The following EXD3 variants were observed in gnomAD, a reference collection of about 807,000 sequenced individuals.
The protein encoded by EXD3 is exonuclease 3'-5' domain containing 3, also known as exonuclease mut-7 homolog.
EXD3 carries 92 observed loss-of-function variants against 98.0 expected under a neutral mutation model. The observed-to-expected ratio is 0.94, with a 90% CI of 0.79 to 1.12. The LOEUF is 1.12. EXD3 is among the 50% of genes most tolerant of loss of function. EXD3 has a pLI of 0.00. For synonymous variants in EXD3, 569 were observed against 526.0 expected, an observed-to-expected ratio of 1.08 and a Z score of -1.12; for missense variants, 1,222 against 1,191.6, an observed-to-expected ratio of 1.03 and a Z score of -0.38.
Position 137,349,623 on chromosome 9 carries a change from G to T in EXD3, c.1495-92C>A. The stretch of plus-strand genomic sequence containing the variant: ...TCACACCAGCCCTGCGGGGGCTCTG[G>T]AGGAGGCCCCGCCCCCTCCACCAGC... On this transcript the variant is annotated intron_variant, in intron 14 of 21. Coordinates refer to ENST00000340951, the MANE Select transcript of EXD3 (RefSeq NM_017820.5). This position sits in a 1 kb window ranked among gnomAD's most constrained non-coding sequence, Gnocchi z 7.4. The T allele has an allele frequency of 7.6e-7, 1 of 1,323,872 alleles. No individual in the cohort carries two copies. 82.0% of individuals were successfully genotyped at this position (1,323,872 alleles called of 1,614,324 possible).
At chr9:137,376,213 G>A (rs1259116373) in intron 3 of EXD3, among the ~76,000 whole-genome samples, 3 of 151,564 alleles carry the variant, frequency 2.0e-5, no homozygotes, top group Non-Finnish European at 2.9e-5. Context: ...GCATGGTGGC[G>A]GGCGACTGTA....
rs111790802 is a variant in EXD3, at chr9:137,307,151, C to T, written c.2430G>A (p.Arg810=). Residue 810 remains arginine, a synonymous_variant, in exon 22 of 22, where the codon CGG becomes CGA. Transcript: ENST00000340951. ...ETPDMLADGT[R]LQLAGVPVGV... ...CCACCGGGACCCCTGCCAGCTGCAG[C>T]CGGGTGCCGTCGGCCAGCATGTCCG... The T allele has an allele frequency of 6.3e-7, 1 of 1,593,720 alleles. No individual in the cohort carries two copies. The highest frequency in any genetic ancestry group is 8.5e-7 in the Non-Finnish European group (1 of 1,171,264).
chr9:137,330,403 G>GACTGATGGACTTCTCGA, intron 17 of EXD3, among the ~76,000 whole-genome samples: 1 of 91,692 alleles, frequency 1.1e-5, no homozygotes, highest in Middle Eastern at 6.9e-3. Flanking sequence ...AGCTACACAG[G>GACTGATGGACTTCTCGA]GCTCCACAGG....
chr9:137,409,098 C>T (rs934368105), intron 1 of EXD3, among the ~76,000 whole-genome samples: 2 of 152,198 alleles, frequency 1.3e-5, no homozygotes, highest in East Asian at 1.9e-4. Flanking sequence ...GGGACGTGCC[C>T]GGGGGGTGAG....
chr9:137,355,534 A>C (rs111546609), intron 8 of EXD3, among the ~76,000 whole-genome samples: 11 of 82,050 alleles, frequency 1.3e-4, no homozygotes, highest in African/African-American at 3.3e-4. Flanking sequence ...GGATGGAGGA[A>C]GGAGGAAGGA....
intron 3 of EXD3, among the ~76,000 whole-genome samples, chr9:137,382,898 C>T (rs1836390462): frequency 6.6e-6 from 1 of 152,210 alleles, no homozygotes; most frequent in Non-Finnish European, 1.5e-5. Flanking sequence ...CGCCCAGCCT[C>T]CTGCCCTGCT....
In EXD3 at chr9:137,407,943, A is replaced by G. The variant is rs139629104; in HGVS notation, c.-47-12539T>C. Among the ~76,000 whole-genome samples the G allele has an allele frequency of 1.8e-4, 28 of 151,368 alleles. No individual in the cohort carries two copies. The East Asian group carries it at 5.4e-3, about 29-fold the overall frequency. On this transcript the variant is annotated intron_variant, in intron 1 of 21. Transcript: ENST00000340951. The surrounding 1 kb of genome is among the most constrained non-coding windows in gnomAD (Gnocchi z 4.4). ...CGCAGCACACAAATGCGGAGCCTCA[A>G]GCCTCCAGGGGTTTTCCAGCCTCAC...
chr9:137,332,316 G>A (rs1195070350), intron 17 of EXD3, among the ~76,000 whole-genome samples: 1 of 152,200 alleles, frequency 6.6e-6, no homozygotes, highest in East Asian at 1.9e-4. Context: ...TAGGCCGGGC[G>A]CAGTGGCTCA....
intron 2 of EXD3, among the ~76,000 whole-genome samples, chr9:137,391,527 T>C (rs1432348608): frequency 6.6e-6 from 1 of 152,050 alleles, no homozygotes; most frequent in East Asian, 1.9e-4. Context: ...CCGGCAGGCT[T>C]CCTGGAGCTG....
At chr9:137,308,634 CTTTTT>C (rs572242584) in intron 20 of EXD3, among the ~76,000 whole-genome samples, 1 of 135,966 alleles carries the variant, frequency 7.4e-6, no homozygotes, top group Non-Finnish European at 1.6e-5. Context: ...TGGACTGACC[CTTTTT>C]TTTTTTTTTT....
intron 8 of EXD3, among the ~76,000 whole-genome samples, chr9:137,355,613 A>G (rs1228701083): frequency 4.0e-5 from 2 of 49,936 alleles, no homozygotes; most frequent in Non-Finnish European, 7.1e-5. Context: ...GAAAGGAGGA[A>G]GGAGGAAGGG....
chr9:137,338,325 G>A (rs913468815), intron 17 of EXD3, among the ~76,000 whole-genome samples: 3 of 152,074 alleles, frequency 2.0e-5, no homozygotes, highest in Non-Finnish European at 4.4e-5. Flanking sequence ...ATATTCAAAC[G>A]TTGTTAGAAC....
rs932709308 is a variant in EXD3 at position 137,371,998 on chromosome 9, G to A, written c.462+907C>T. ...ACAGCTTGGCCAGGCTCAGGACGAC[G>A]GGGCTGTGATGCTAGACCTGGTCTT... On this transcript the variant is annotated intron_variant, in intron 5 of 21. Transcript: ENST00000340951. The surrounding 1 kb of genome is among the most constrained non-coding windows in gnomAD (Gnocchi z 8.0). Among the ~76,000 whole-genome samples, 2 of 152,148 alleles carry A rather than the reference G, an allele frequency of 1.3e-5. No individual in the cohort carries two copies. The highest frequency in any genetic ancestry group is 2.1e-4 in the South Asian group (1 of 4,836).
intron 19 of EXD3, among the ~76,000 whole-genome samples, chr9:137,314,492 A>G (rs1336152701): frequency 6.6e-6 from 1 of 152,090 alleles, no homozygotes; most frequent in Non-Finnish European, 1.5e-5. Context: ...ATCCCCGTGG[A>G]GCAAGCTGGT....
Position 137,323,843 on chromosome 9 carries a change from A to G in EXD3, c.2066T>C (p.Val689Ala), listed in dbSNP as rs1313847367. 3 of 1,611,028 alleles carry G rather than the reference A, an allele frequency of 1.9e-6. No individual in the cohort carries two copies. Among genetic ancestry groups the G allele is most frequent in the East Asian group, 4.5e-5 (2 of 44,840 alleles). ...GACCGAGAGGCAGCGCCCAGCCCCGACCTGGGCCCGGAGCTGCAAAGACAC... is the reference window on the plus strand; with the variant it reads ...GACCGAGAGGCAGCGCCCAGCCCCGGCCTGGGCCCGGAGCTGCAAAGACAC... ...GQPFHKLRAQVGAGRCLSVDC... is the reference protein window; with the variant it reads ...GQPFHKLRAQAGAGRCLSVDC... Residue 689 changes from valine (V) to alanine (A), a missense_variant, in exon 19 of 22, where the codon GTC (valine) becomes GCC (alanine). Val to Ala is a moderately conservative substitution (Grantham distance 64, BLOSUM62 0). Coordinates refer to ENST00000340951, the MANE Select transcript of EXD3 (RefSeq NM_017820.5).
chr9:137,377,192 G>C (rs768400173), intron 3 of EXD3: 15 of 152,132 alleles, frequency 9.9e-5, no homozygotes, highest in Non-Finnish European at 2.2e-4. Context: ...GCCACGCCCG[G>C]AATCCCAGCA....
chr9:137,408,426 A>G (rs1837836683), intron 1 of EXD3, among the ~76,000 whole-genome samples: 1 of 151,732 alleles, frequency 6.6e-6, no homozygotes. Flanking sequence ...GGGCGCCTGT[A>G]GTCCCAGCTA....
chr9:137,314,598 C>T (rs1831539038), intron 19 of EXD3, among the ~76,000 whole-genome samples: 1 of 152,080 alleles, frequency 6.6e-6, no homozygotes, highest in African/African-American at 2.4e-5. Flanking sequence ...CCCCTGCCCC[C>T]TTGCCCCCTG....
intron 5 of EXD3, among the ~76,000 whole-genome samples, 196 bp from the exon 6 acceptor site, chr9:137,368,185 C>T (rs927141106): frequency 7.9e-5 from 12 of 152,224 alleles, no homozygotes; most frequent in African/African-American, 2.7e-4. Flanking sequence ...CTGAGCCAGG[C>T]CTTGCATAGG....
Sources: gnomAD v4.1 joint callset for allele counts (sites outside exome capture counted in the v4.1 genomes callset) on GRCh38, gnomAD v4.1.1 for gene constraint, Gnocchi (gnomAD v3.1) non-coding constraint, MANE v1.5 for transcripts, NCBI Gene and HGNC (gene_info 2026-07-23, HGNC 2026-07-21) for gene names.